Variants in IQSEC1 observed in about 807,000 individuals in gnomAD.
The protein encoded by IQSEC1 is IQ motif and Sec7 domain ArfGEF 1, also known as IQ motif and SEC7 domain-containing protein 1.
Under a neutral mutation model 91.0 loss-of-function variants are expected in IQSEC1, and 31 were observed. The observed-to-expected ratio is 0.34, with a 90% confidence interval of 0.26 to 0.46. The LOEUF (loss-of-function observed/expected upper bound fraction) is 0.46. IQSEC1 is among the 20% of genes least tolerant of loss of function. The pLI, the probability that IQSEC1 is intolerant of heterozygous loss-of-function variation, is 1.00. For missense variants in IQSEC1, 1,388 were observed against 1,575.6 expected (o/e 0.88, Z 2.02); for synonymous variants, 699 against 662.6 (o/e 1.05, Z -0.84).
chr3:13,100,712 G>A (rs141814043), intron 2 of IQSEC1, among the ~76,000 whole-genome samples: 23 of 149,066 alleles, frequency 1.5e-4, no homozygotes, highest in African/African-American at 3.8e-4. Flanking sequence ...AATTCCTGCC[G>A]AGCCTCACAT....
intron 2 of IQSEC1, among the ~76,000 whole-genome samples, chr3:13,084,338 CT>C (rs1705699720): frequency 6.6e-6 from 1 of 152,176 alleles, no homozygotes; most frequent in Non-Finnish European, 1.5e-5. Context: ...CACATCCCCC[CT>C]GACATACTCA....
At chr3:13,000,551 T>A (rs114936883) in intron 1 of IQSEC1, among the ~76,000 whole-genome samples, 1,922 of 152,270 alleles carry the variant, frequency 0.013, 36 homozygotes, top group African/African-American at 0.043. Context: ...GCCCAGAAGG[T>A]CCCTGAAAGC....
chr3:12,944,859 G>A (rs1019403592), intron 1 of IQSEC1, among the ~76,000 whole-genome samples: 2 of 152,216 alleles, frequency 1.3e-5, no homozygotes, highest in Non-Finnish European at 2.9e-5. Flanking sequence ...GTCAGGGAGG[G>A]GAGTGTGGGA....
intron 2 of IQSEC1, among the ~76,000 whole-genome samples, chr3:13,163,556 CT>C (rs1158492666): frequency 6.6e-6 from 1 of 152,090 alleles, no homozygotes; most frequent in East Asian, 1.9e-4. Context: ...ACCAGACCCT[CT>C]TCTAGGTTCA....
chr3:13,219,839 C>T (rs1015819117), intron 1 of IQSEC1, among the ~76,000 whole-genome samples: 1 of 152,250 alleles, frequency 6.6e-6, no homozygotes, highest in African/African-American at 2.4e-5. Context: ...CCCAGCAAGG[C>T]CCTGAGAGGC....
rs367719310 is a variant in IQSEC1, at chr3:13,072,985, T to C, written c.23+7A>G. 2.2e-5 allele frequency: 34 copies of C among 1,551,328 alleles called. No individual in the cohort carries two copies. The African/African-American group carries it at 3.8e-4, about 17-fold the overall frequency. ...GCTTCAGGCAGAAACCTGCCACATA[T>C]ACTCACAAATAGCGTCTTCTGCAAG... On this transcript the variant is annotated splice_region_variant and intron_variant, in intron 1 of 13. Transcript: ENST00000613206.
Position 13,133,648 on chromosome 3 carries a change from G to A in IQSEC1, c.302+30456C>T, listed in dbSNP as rs565993085. On this transcript the variant is annotated intron_variant, in intron 2 of 15. Transcript: ENST00000648114. ...GAAGAGCGGTTGCACCGAGTCACAC[G>A]GGGGTTAGCAAACTAGTTCAAGGTA... is the stretch of plus-strand genomic sequence containing the variant. 2.8e-4 allele frequency among the ~76,000 whole-genome samples: 43 copies of A among 152,348 alleles called. No homozygotes were observed. In the South Asian group the frequency reaches 6.6e-3, roughly 24 times the overall value.
chr3:13,227,516 G>A (rs995295935), intron 1 of IQSEC1, among the ~76,000 whole-genome samples: 1 of 152,096 alleles, frequency 6.6e-6, no homozygotes, highest in African/African-American at 2.4e-5. Flanking sequence ...TCAGAGGGGT[G>A]ATAGTGACAC....
intron 1 of IQSEC1, among the ~76,000 whole-genome samples, chr3:13,175,945 C>T (rs1339434915): frequency 6.6e-6 from 1 of 152,216 alleles, no homozygotes; most frequent in Non-Finnish European, 1.5e-5. Context: ...AATTAGCTTG[C>T]AATTTACGAA....
chr3:12,982,308 T>C (rs999635622), intron 1 of IQSEC1, among the ~76,000 whole-genome samples: 3 of 152,204 alleles, frequency 2.0e-5, no homozygotes, highest in Admixed American at 2.0e-4. Context: ...CAAAATTGTT[T>C]ATGGGTGTGA....
rs975042776 is a variant in IQSEC1, at chr3:12,897,463, T to C, written c.*3520A>G. 4 of 152,162 alleles carry C rather than the reference T, an allele frequency of 2.6e-5. No individual in the cohort carries two copies. Among genetic ancestry groups the C allele is most frequent in the Non-Finnish European group, 5.9e-5 (4 of 68,038 alleles). 9.4% of individuals were successfully genotyped at this position (152,162 alleles called of 1,614,324 possible). A position where few individuals can be genotyped will look rare whatever the true frequency, so the allele number is the denominator to read the frequency against. ...AACAACTCGGAGGCAAAAGATATTTTCCAAGAGGAGATGCATGCTGTGTGC... is the reference window on the plus strand; with the variant it reads ...AACAACTCGGAGGCAAAAGATATTTCCCAAGAGGAGATGCATGCTGTGTGC... On this transcript the variant is annotated 3_prime_UTR_variant, in exon 14 of 14. Coordinates refer to ENST00000613206, the MANE Select transcript of IQSEC1 (RefSeq NM_001134382.3).
chr3:13,144,328 G>A (rs1320033000), intron 2 of IQSEC1, among the ~76,000 whole-genome samples: 1 of 152,210 alleles, frequency 6.6e-6, no homozygotes, highest in Non-Finnish European at 1.5e-5. Flanking sequence ...CCCAGCCGTG[G>A]ATGCCTGATA....
At chr3:13,040,435 A>T (rs1704217185) in intron 1 of IQSEC1, among the ~76,000 whole-genome samples, 1 of 152,238 alleles carries the variant, frequency 6.6e-6, no homozygotes, top group Non-Finnish European at 1.5e-5. Flanking sequence ...AGGGCTTAAG[A>T]ACAAGAGCAC....
chr3:12,900,099 A>C lies in IQSEC1; in HGVS notation c.*884T>G. 3 of 981,714 alleles carry C rather than the reference A, an allele frequency of 3.1e-6. No individual in the cohort carries two copies. The highest frequency in any genetic ancestry group is 3.6e-6 in the Non-Finnish European group (3 of 826,570). 60.8% of individuals were successfully genotyped at this position (981,714 alleles called of 1,614,324 possible). ...GCTACTGTAGAGTGTACTGCAGTTT[A>C]GCTATTTGCTTACCTGAAATAACAG... On this transcript the variant is annotated 3_prime_UTR_variant, in exon 14 of 14. Transcript: ENST00000613206.
At position 12,967,283 on chromosome 3, in the gene IQSEC1, C is replaced by G; in HGVS notation, c.24-25418G>C. 1.0e-6 allele frequency: 1 copy of G among 996,372 alleles called. No homozygotes were observed. Among genetic ancestry groups the G allele is most frequent in the Non-Finnish European group, 1.4e-6 (1 of 709,688 alleles). The allele number at this position is 996,372 out of a possible 1,614,324, so 61.7% of individuals were successfully genotyped here. On this transcript the variant is annotated intron_variant, in intron 1 of 13. Transcript: ENST00000613206. This position sits in a 1 kb window ranked among gnomAD's most constrained non-coding sequence, Gnocchi z 5.9. The stretch of plus-strand genomic sequence containing the variant: ...AGCTTTCTCTCGCACGCCGGGCGCC[C>G]GGTCCCGACGGTCACCCGCACTCCC...
At chr3:12,963,729 T>C (rs1373631622) in intron 1 of IQSEC1, among the ~76,000 whole-genome samples, 1 of 152,232 alleles carries the variant, frequency 6.6e-6, no homozygotes, top group Non-Finnish European at 1.5e-5. Flanking sequence ...AGTCCTGTGC[T>C]CTGTGATGTA....
chr3:13,121,940 T>A (rs1706431660), intron 2 of IQSEC1, among the ~76,000 whole-genome samples: 1 of 152,230 alleles, frequency 6.6e-6, no homozygotes, highest in African/African-American at 2.4e-5. Context: ...GGGACCTTCA[T>A]CCAGATTAAA....
At chr3:13,099,039 G>A (rs2124822309) in intron 2 of IQSEC1, among the ~76,000 whole-genome samples, 1 of 152,362 alleles carries the variant, frequency 6.6e-6, no homozygotes, top group Middle Eastern at 3.4e-3. Context: ...AGGACTTTCG[G>A]GGGATGGGGG....
intron 1 of IQSEC1, among the ~76,000 whole-genome samples, chr3:13,202,307 T>C (rs114907962): frequency 7.1e-4 from 108 of 152,284 alleles, no homozygotes; most frequent in African/African-American, 2.6e-3. Flanking sequence ...TCTGGGTATA[T>C]ATAGGAAAGA....
Sources: allele counts gnomAD v4.1 joint callset (sites outside exome capture counted in the v4.1 genomes callset), GRCh38; gene constraint gnomAD v4.1.1; non-coding constraint Gnocchi (gnomAD v3.1); transcripts MANE v1.5; gene names NCBI Gene and HGNC (gene_info 2026-07-23, HGNC 2026-07-21).